PRSS41: variants seen among roughly 807,000 people sequenced by gnomAD.
PRSS41 encodes serine protease 41.
Under a neutral mutation model 28.8 loss-of-function variants are expected in PRSS41, and 37 were observed. The ratio of observed to expected loss-of-function variants is 1.29; its 90% confidence interval spans 0.99 to 1.69. The LOEUF (loss-of-function observed/expected upper bound fraction) is 1.69. Ranked by LOEUF, PRSS41 falls within the 40% of genes most tolerant of loss-of-function variation. The pLI, the probability that PRSS41 is intolerant of heterozygous loss-of-function variation, is 0.00. For synonymous variants in PRSS41, 195 were observed against 163.1 expected (o/e 1.20, Z -1.49); for missense variants, 431 against 400.7 (o/e 1.08, Z -0.65).
At chr16:2,800,375 T>C (rs148294610) in intron 4 of PRSS41, among the ~76,000 whole-genome samples, 4,513 of 152,044 alleles carry the variant, frequency 0.03, 93 homozygotes, top group Non-Finnish European at 0.047. Flanking sequence ...ACCCCGTCTC[T>C]ACTAAAAATA....
chr16:2,804,416 G>A (rs541845152), exon 5 of PRSS41: 11 of 1,551,526 alleles, frequency 7.1e-6, no homozygotes, highest in South Asian at 4.8e-5. Flanking sequence ...TACAACCTCC[G>A]GGAAGCACAG....
In PRSS41 at chr16:2,799,514, C is replaced by T. The variant is rs117070691; in HGVS notation, c.486C>T (p.Phe162=). 11,098 of 1,551,910 alleles carry T rather than the reference C, an allele frequency of 7.2e-3. 453 individuals are homozygous for T. The Admixed American group carries it at 0.093, about 13-fold the overall frequency. Reference sequence around the variant, plus strand: ...GCATCGAGTCTTCCACCTTCAACTTCGTGCACCGGCCGGACTGCTGGGTGA... The same window carrying T: ...GCATCGAGTCTTCCACCTTCAACTTTGTGCACCGGCCGGACTGCTGGGTGA... Residue 162 remains phenylalanine (F), a synonymous_variant, in exon 4 of 6, where the codon TTC becomes TTT. Transcript: ENST00000399677.
chr16:2,801,915 G>T (rs1437089520), intron 4 of PRSS41, among the ~76,000 whole-genome samples: 1 of 151,566 alleles, frequency 6.6e-6, no homozygotes, highest in African/African-American at 2.4e-5. Flanking sequence ...CAGTAGGGGC[G>T]GCCGGGCAGA....
rs736812 is a variant in PRSS41 at position 2,804,871 on chromosome 16, A to G, written c.700-43A>G. ...CTGCTCTCATGGCCTCTGCTGCCCC[A>G]CCCACTCTGCCCCAGCCTGGGCTCA... On this transcript the variant is annotated intron_variant, in intron 5 of 5. Transcript: ENST00000399677. 6.0e-3 allele frequency: 8,865 copies of G among 1,488,196 alleles called. 424 individuals carry two copies. The Admixed American group carries it at 0.093, about 16-fold the overall frequency. The allele number at this position is 1,488,196 out of a possible 1,614,324, so 92.2% of individuals were successfully genotyped here.
intron 4 of PRSS41, among the ~76,000 whole-genome samples, chr16:2,802,206 G>T (rs1229623174): frequency 5.3e-5 from 8 of 150,776 alleles, no homozygotes; most frequent in Non-Finnish European, 8.9e-5. Flanking sequence ...CCCAGACAGG[G>T]TCGCGGCCGG....
At chr16:2,802,012 C>T (rs1348334562) in intron 4 of PRSS41, among the ~76,000 whole-genome samples, 2,001 of 141,284 alleles carry the variant, frequency 0.014, 36 homozygotes, top group Admixed American at 0.053. Context: ...GCTGGCCGGG[C>T]GTGGGGCTGA....
chr16:2,799,114 T>C (rs1020983700), exon 3 of PRSS41: 8 of 1,522,974 alleles, frequency 5.3e-6, no homozygotes, highest in African/African-American at 4.1e-5. Context: ...GGCTGCGCAC[T>C]GCTTCCAAAA....
chr16:2,802,527 A>C (rs2068995940), intron 4 of PRSS41, among the ~76,000 whole-genome samples: 1 of 152,180 alleles, frequency 6.6e-6, no homozygotes, highest in Non-Finnish European at 1.5e-5. Context: ...AGGCCAAGGC[A>C]GGCGGCTGGG....
At chr16:2,799,337 G>A (rs772404059) in exon 4 of PRSS41, 2 of 1,551,718 alleles carry the variant, frequency 1.3e-6, no homozygotes, top group South Asian at 2.4e-5. Context: ...TGACTTCCAG[G>A]CCAACTCCTT....
At chr16:2,799,169 C>G in intron 3 of PRSS41, 45 bp downstream of exon 3, 1 of 1,506,030 alleles carries the variant, frequency 6.6e-7, no homozygotes, top group Non-Finnish European at 8.9e-7. Context: ...CTAATGGCCT[C>G]CAGGATGAGC....
chr16:2,804,373 T>C lies in PRSS41; in HGVS notation c.542-16T>C. 1 of 1,551,048 alleles carries C rather than the reference T, an allele frequency of 6.4e-7. No individual in the cohort carries two copies. Among genetic ancestry groups the C allele is most frequent in the Non-Finnish European group, 8.7e-7 (1 of 1,146,842 alleles). On this transcript the variant is annotated splice_polypyrimidine_tract_variant and intron_variant, in intron 4 of 5. Coordinates refer to ENST00000399677, the Ensembl canonical transcript of PRSS41. ...GGAGAGGTGAAGGGTGCTGTCCTTT[T>C]CTGTCCTATCTCCAGCACCTCTGCC...
chr16:2,801,963 C>CG (rs1453966388), intron 4 of PRSS41, among the ~76,000 whole-genome samples: 6 of 144,028 alleles, frequency 4.2e-5, no homozygotes, highest in African/African-American at 7.8e-5. Context: ...GCTGGCCGGG[C>CG]GGGGGGCTGA....
At chr16:2,799,200 C>T in intron 3 of PRSS41, 76 bp downstream of exon 3, 1 of 1,514,466 alleles carries the variant, frequency 6.6e-7, no homozygotes, top group Non-Finnish European at 8.8e-7. Context: ...CACCCAGCAG[C>T]TTGGCCTCAG....
intron 4 of PRSS41, among the ~76,000 whole-genome samples, chr16:2,803,236 TTTTA>T (rs2069001293): frequency 6.6e-6 from 1 of 152,356 alleles, no homozygotes; most frequent in East Asian, 1.9e-4. Context: ...TGCTGATATT[TTTTA>T]TTTCTTTTGT....
chr16:2,801,485 C>T lies in PRSS41; in HGVS notation c.541+1916C>T, dbSNP rs1485335239. Among the ~76,000 whole-genome samples the T allele has an allele frequency of 1.9e-4, 28 of 150,962 alleles. No individual in the cohort carries two copies. In the East Asian group the frequency reaches 5.1e-3, roughly 27 times the overall value. Reference sequence around the variant, plus strand: ...TGGTTTTCCTAGGCAGAGGACCCTGCGGCCTTCCGCAGTGTTTGTGTCCCT... The same window carrying T: ...TGGTTTTCCTAGGCAGAGGACCCTGTGGCCTTCCGCAGTGTTTGTGTCCCT... On this transcript the variant is annotated intron_variant, in intron 4 of 5. Transcript: ENST00000399677.
In PRSS41 at chr16:2,798,957, A is replaced by G. The variant is rs1167484302; in HGVS notation, c.92-2A>G. On this transcript the variant is annotated splice_acceptor_variant, in intron 2 of 5. Coordinates refer to ENST00000399677, the Ensembl canonical transcript of PRSS41. LOFTEE classifies it high-confidence loss of function. ...TCAGCCGCGTCCGTCTGTCCATCCC[A>G]GAGGCCTGCGGCCACCGGGAAATTC... The G allele has an allele frequency of 7.7e-6, 10 of 1,301,270 alleles. No individual in the cohort carries two copies. Among genetic ancestry groups the G allele is most frequent in the Non-Finnish European group, 9.0e-6 (9 of 994,768 alleles). The allele number at this position is 1,301,270 out of a possible 1,614,324, so 80.6% of individuals were successfully genotyped here. A position where few individuals can be genotyped will look rare whatever the true frequency, so the allele number is the denominator to read the frequency against.
rs559519676 is a variant in PRSS41 at position 2,804,520 on chromosome 16, G to A, written c.673G>A (p.Glu225Lys). The change falls in exon 5 of 6, where the codon GAG becomes AAG. Residue 225 changes from glutamate to lysine, a missense_variant. By Grantham distance (56) the Glu-to-Lys change is moderately conservative. Transcript: ENST00000399677. ...GGATTCCATGTTTTGTGCTGGTGCT[G>A]AGGATGGCAGTGTAGACACCTGCAA... is the stretch of plus-strand genomic sequence containing the variant. The A allele has an allele frequency of 4.9e-5, 76 of 1,551,200 alleles. No individual in the cohort carries two copies. The African/African-American group carries it at 8.8e-4, about 18-fold the overall frequency.
At chr16:2,798,583 A>G in intron 1 of PRSS41, 35 bp downstream of exon 1, 1 of 1,524,872 alleles carries the variant, frequency 6.6e-7, no homozygotes, top group Admixed American at 2.2e-5. Flanking sequence ...GACCGGGGGC[A>G]GCGAGGAGGC....
Position 2,799,285 on chromosome 16 carries a change from G to A in PRSS41, c.258-1G>A, listed in dbSNP as rs1482781255. On this transcript the variant is annotated splice_acceptor_variant, in intron 3 of 5. Transcript: ENST00000399677. LOFTEE classifies it high-confidence loss of function. ...CCCCGCCCTCTCTCCTTTTCTGCTA[G>A]GCACTACTATCCCTCCGAGTGGACG... 6.4e-7 allele frequency: 1 copy of A among 1,551,352 alleles called. No individual in the cohort carries two copies.
Sources: gnomAD v4.1 joint callset for allele counts (sites outside exome capture counted in the v4.1 genomes callset) on GRCh38, gnomAD v4.1.1 for gene constraint, MANE v1.5 for transcripts, NCBI Gene and HGNC (gene_info 2026-07-23, HGNC 2026-07-21) for gene names.